The following THSD7B variants were observed in gnomAD, a reference collection of about 807,000 sequenced individuals.
The protein encoded by THSD7B is thrombospondin type-1 domain-containing protein 7B.
In THSD7B, 138 loss-of-function variants were observed where a neutral mutation model predicts 213.6. That is an observed-to-expected ratio of 0.65 (90% confidence interval 0.56 to 0.74). The LOEUF (loss-of-function observed/expected upper bound fraction) is 0.74, where lower values mean the gene tolerates loss of function less well. Ranked by LOEUF, THSD7B falls within the 30% of genes least tolerant of loss-of-function variation. The pLI is 0.00. For synonymous variants in THSD7B, 742 were observed against 687.0 expected, an observed-to-expected ratio of 1.08 and a Z score of -1.25; for missense variants, 1,931 against 1,991.5, an observed-to-expected ratio of 0.97 and a Z score of 0.58.
intron 20 of THSD7B, among the ~76,000 whole-genome samples, chr2:137,641,044 GGTATCT>G (rs1456483705): frequency 6.6e-6 from 1 of 152,110 alleles, no homozygotes; most frequent in Non-Finnish European, 1.5e-5. Flanking sequence ...TAAACTTGAA[GGTATCT>G]GTAATTGTTT....
chr2:137,006,228 C>T (rs1156296254), intron 2 of THSD7B, among the ~76,000 whole-genome samples: 2 of 152,056 alleles, frequency 1.3e-5, no homozygotes, highest in Non-Finnish European at 2.9e-5. Flanking sequence ...CCCGTCTCTA[C>T]TAAAAAATAC....
chr2:137,383,366 C>A (rs553550312), intron 12 of THSD7B, among the ~76,000 whole-genome samples: 2 of 152,178 alleles, frequency 1.3e-5, no homozygotes, highest in Admixed American at 1.3e-4. Context: ...GTCCAGGGTT[C>A]CACCCTGTGG....
At chr2:137,303,417 T>C (rs1383080715) in intron 12 of THSD7B, among the ~76,000 whole-genome samples, 1 of 151,968 alleles carries the variant, frequency 6.6e-6, no homozygotes, top group Non-Finnish European at 1.5e-5. Flanking sequence ...TGTAGAATTC[T>C]TTTTTAAACT....
intron 2 of THSD7B, among the ~76,000 whole-genome samples, chr2:136,991,875 T>A (rs947946097): frequency 3.3e-5 from 5 of 152,226 alleles, no homozygotes; most frequent in Non-Finnish European, 5.9e-5. Flanking sequence ...TAACTTTGAA[T>A]GCCAAACTGC....
chr2:137,560,961 C>A (rs1681104859), intron 15 of THSD7B, among the ~76,000 whole-genome samples: 1 of 152,026 alleles, frequency 6.6e-6, no homozygotes, highest in Non-Finnish European at 1.5e-5. Flanking sequence ...GGCTTTAAAG[C>A]AAGAGGGTAA....
chr2:137,581,568 G>A (rs971891846), intron 17 of THSD7B, among the ~76,000 whole-genome samples: 4 of 151,840 alleles, frequency 2.6e-5, no homozygotes, highest in South Asian at 2.1e-4. Context: ...CTGAGATAGC[G>A]TCACTGCACT....
In THSD7B at chr2:136,816,976, A is replaced by G. The variant is rs577970016; in HGVS notation, c.-36+51289A>G. Among the ~76,000 whole-genome samples the G allele has an allele frequency of 7.2e-5, 11 of 152,260 alleles. No individual in the cohort carries two copies. In the East Asian group the frequency reaches 1.5e-3, roughly 21 times the overall value. ...TCTTATTAATTCTAAAAGTATTGCA[A>G]TTGATTCTCTCCATTTGCATTTAGG... On this transcript the variant is annotated intron_variant, in intron 1 of 27. Coordinates refer to ENST00000409968, the MANE Select transcript of THSD7B (RefSeq NM_001316349.2).
At chr2:137,538,732 C>A (rs576524910) in intron 15 of THSD7B, among the ~76,000 whole-genome samples, 30 of 151,790 alleles carry the variant, frequency 2.0e-4, no homozygotes, top group African/African-American at 6.3e-4. Context: ...TGATTTATAT[C>A]TGCTTAAATT....
chr2:137,049,931 C>A (rs2104870378), intron 2 of THSD7B, among the ~76,000 whole-genome samples: 1 of 152,280 alleles, frequency 6.6e-6, no homozygotes, highest in Admixed American at 6.5e-5. Flanking sequence ...CCCTTGCAGT[C>A]TTAGAACTGT....
At chr2:137,426,280 C>A (rs1400894590) in intron 14 of THSD7B, among the ~76,000 whole-genome samples, 1 of 152,014 alleles carries the variant, frequency 6.6e-6, no homozygotes, top group South Asian at 2.1e-4. Flanking sequence ...CTCAATGCAA[C>A]CCTTATCAAA....
chr2:137,080,674 A>T (rs918331481), intron 3 of THSD7B, among the ~76,000 whole-genome samples: 2 of 151,998 alleles, frequency 1.3e-5, no homozygotes, highest in Admixed American at 1.3e-4. Context: ...CTATAATTTT[A>T]TTCCACTTTT....
At chr2:137,484,470 G>A (rs1414567204) in intron 15 of THSD7B, among the ~76,000 whole-genome samples, 64 of 112,698 alleles carry the variant, frequency 5.7e-4, no homozygotes, top group African/African-American at 1.9e-3. Flanking sequence ...GAATAGTGCC[G>A]CAATAAACAT....
At chr2:137,556,998 T>A (rs990962364) in intron 15 of THSD7B, among the ~76,000 whole-genome samples, 3 of 152,076 alleles carry the variant, frequency 2.0e-5, no homozygotes, top group African/African-American at 7.3e-5. Context: ...CTAACTATCC[T>A]AAATATATAT....
intron 12 of THSD7B, among the ~76,000 whole-genome samples, chr2:137,376,215 T>A (rs1354245808): frequency 6.6e-6 from 1 of 152,232 alleles, no homozygotes; most frequent in African/African-American, 2.4e-5. Context: ...AAAGTTTAGC[T>A]TCCTAATAAA....
At chr2:137,115,395 A>T in intron 5 of THSD7B, 102 bp downstream of exon 5, 1 of 1,238,194 alleles carries the variant, frequency 8.1e-7, no homozygotes, top group Non-Finnish European at 1.1e-6. Flanking sequence ...CTTAGCATTC[A>T]CACATTTAAT....
At chr2:136,954,837 C>T (rs1000272637) in intron 2 of THSD7B, among the ~76,000 whole-genome samples, 15 of 151,452 alleles carry the variant, frequency 9.9e-5, no homozygotes, top group Non-Finnish European at 1.9e-4. Flanking sequence ...ATTCAGCCTT[C>T]AGTGTCTCTA....
chr2:136,805,450 A>C (rs922574921), intron 1 of THSD7B, among the ~76,000 whole-genome samples: 1 of 152,208 alleles, frequency 6.6e-6, no homozygotes, highest in African/African-American at 2.4e-5. Context: ...ACAGCCTAAA[A>C]TTCCAAAGTG....
chr2:136,955,874 G>C (rs909169474), intron 2 of THSD7B, among the ~76,000 whole-genome samples: 1 of 151,734 alleles, frequency 6.6e-6, no homozygotes, highest in African/African-American at 2.4e-5. Flanking sequence ...GGATGGTCTC[G>C]ATCTCCTGAC....
chr2:137,497,205 A>G (rs1250065148), intron 15 of THSD7B, among the ~76,000 whole-genome samples: 1 of 81,540 alleles, frequency 1.2e-5, no homozygotes, highest in Non-Finnish European at 3.3e-5. Flanking sequence ...TACACAACAC[A>G]CACACAGACA....
Sources: gnomAD v4.1 joint callset for allele counts (sites outside exome capture counted in the v4.1 genomes callset) on GRCh38, gnomAD v4.1.1 for gene constraint, MANE v1.5 for transcripts, NCBI Gene and HGNC (gene_info 2026-07-23, HGNC 2026-07-21) for gene names.